The following TAF4 variants were observed in gnomAD, a reference collection of about 807,000 sequenced individuals.
TAF4 encodes transcription initiation factor TFIID subunit 4.
In TAF4, 9 loss-of-function variants were observed where a neutral mutation model predicts 90.3. That is an observed-to-expected ratio of 0.10 (90% confidence interval 0.06 to 0.17). TAF4 has a LOEUF of 0.17. Among genes scored for constraint, TAF4 ranks in the 10% least tolerant of loss-of-function variants. The pLI is 1.00. For synonymous variants in TAF4, 818 were observed against 638.9 expected, an observed-to-expected ratio of 1.28 and a Z score of -4.23; for missense variants, 1,351 against 1,370.7, an observed-to-expected ratio of 0.99 and a Z score of 0.23.
intron 1 of TAF4, among the ~76,000 whole-genome samples, chr20:62,047,006 C>A (rs1337392215): frequency 6.6e-6 from 1 of 152,190 alleles, no homozygotes; most frequent in African/African-American, 2.4e-5. Context: ...CGACGGCTTG[C>A]CTTTTCATTG....
chr20:61,986,155 C>CATCAAAGGAAACACCATCCCCA lies in TAF4; in HGVS notation c.3091-9821_3091-9820insTGGGGATGGTGTTTCCTTTGAT, dbSNP rs2055591158. The stretch of plus-strand genomic sequence containing the variant: ...CCCAATCAAAGGAAACACCATCCCC[C>CATCAAAGGAAACACCATCCCCA]ATCAAAGGAAACACCATCCCCCATC... On this transcript the variant is annotated intron_variant, in intron 14 of 14. Transcript: ENST00000252996. Among the ~76,000 whole-genome samples the CATCAAAGGAAACACCATCCCCA allele has an allele frequency of 1.1e-4, 10 of 95,052 alleles. No homozygotes were observed. In the South Asian group the frequency reaches 1.3e-3, roughly 12 times the overall value. 62.4% of individuals were successfully genotyped at this position (95,052 alleles called of 152,430 possible). A position where few individuals can be genotyped will look rare whatever the true frequency, so the allele number is the denominator to read the frequency against.
intron 4 of TAF4, among the ~76,000 whole-genome samples, 176 bp from the exon 5 acceptor site, chr20:62,009,350 C>G (rs1233095006): frequency 1.3e-5 from 2 of 152,230 alleles, no homozygotes; most frequent in Admixed American, 6.5e-5. Context: ...CCAGCCACAT[C>G]AGTCACATGG....
In TAF4 at chr20:62,064,485, G is replaced by A. The variant is rs750330653; in HGVS notation, c.1326C>T (p.Asn442=). The change falls in exon 1 of 15, where the codon AAC becomes AAT. Residue 442 remains asparagine, a synonymous_variant. Coordinates refer to ENST00000252996, the MANE Select transcript of TAF4 (RefSeq NM_003185.4). ...LAPRLPQPPQ[N]PTNIQNFQLP... Reference sequence around the variant, plus strand: ...GCTGGAAGTTCTGGATGTTGGTCGGGTTCTGAGGCGGCTGCGGCAAGCGGG... The same window carrying A: ...GCTGGAAGTTCTGGATGTTGGTCGGATTCTGAGGCGGCTGCGGCAAGCGGG... The A allele has an allele frequency of 4.3e-5, 65 of 1,513,868 alleles. No individual in the cohort carries two copies. Among genetic ancestry groups the A allele is most frequent in the South Asian group, 5.1e-5 (4 of 78,574 alleles). The allele number at this position is 1,513,868 out of a possible 1,614,324, so 93.8% of individuals were successfully genotyped here.
chr20:62,065,712 C>T lies in TAF4; in HGVS notation c.99G>A (p.Leu33=), dbSNP rs756502866. Residue 33 remains leucine, a synonymous_variant, in exon 1 of 15, where the codon CTG becomes CTA. Transcript: ENST00000252996. ...GGTGGTGGTGGGCCGCGCTGGCCGC[C>T]AGCTGCGACTCCAGCGAGCCCACCA... The part of the protein sequence containing the change: ...SDLVGSLESQ[L]AASAAHHHHL... 1.2e-5 allele frequency: 15 copies of T among 1,297,170 alleles called. No homozygotes were observed. In the African/African-American group the frequency reaches 1.9e-4, roughly 16 times the overall value. The allele number at this position is 1,297,170 out of a possible 1,614,324, so 80.4% of individuals were successfully genotyped here.
rs149320129 is a variant in TAF4 at position 62,025,394 on chromosome 20, G to A, written c.1361-10687C>T. Among the ~76,000 whole-genome samples the A allele has an allele frequency of 1.3e-3, 200 of 152,304 alleles. 4 individuals are homozygous for A. In the East Asian group the frequency reaches 0.03, roughly 23 times the overall value. The stretch of plus-strand genomic sequence containing the variant: ...CAGATGACTCTCAAATAATCACACC[G>A]AGTTGAAGCCAGAAAAGAGAGAGTA... On this transcript the variant is annotated intron_variant, in intron 1 of 14. Transcript: ENST00000252996.
intron 9 of TAF4, among the ~76,000 whole-genome samples, chr20:62,002,879 G>A (rs1290406699): frequency 2.6e-5 from 4 of 152,124 alleles, no homozygotes; most frequent in East Asian, 3.8e-4. Flanking sequence ...CTCAAAATAC[G>A]ATGTTATACT....
chr20:62,002,886 T>C (rs1330110843), intron 9 of TAF4, among the ~76,000 whole-genome samples: 4 of 152,178 alleles, frequency 2.6e-5, no homozygotes, highest in Non-Finnish European at 5.9e-5. Context: ...TACGATGTTA[T>C]ACTAAAAAAT....
intron 9 of TAF4, among the ~76,000 whole-genome samples, chr20:62,002,497 G>A (rs909768229): frequency 3.3e-5 from 5 of 152,152 alleles, no homozygotes; most frequent in African/African-American, 1.2e-4. Context: ...AAGCACAGCA[G>A]TTATTTTTCT....
At chr20:62,003,422 A>G in intron 8 of TAF4, 148 bp from the exon 9 acceptor site, 1 of 700,016 alleles carries the variant, frequency 1.4e-6, no homozygotes, top group South Asian at 1.9e-5. Context: ...ATAACTCTAA[A>G]TTACAGTACA....
intron 1 of TAF4, among the ~76,000 whole-genome samples, chr20:62,015,057 C>T (rs1431605003): frequency 6.6e-6 from 1 of 152,344 alleles, no homozygotes; most frequent in Admixed American, 6.5e-5. Context: ...GTCTCCTTGC[C>T]CCCACCTCCT....
intron 1 of TAF4, chr20:62,037,830 C>G (rs2055941383): frequency 4.4e-6 from 1 of 228,828 alleles, no homozygotes; most frequent in Admixed American, 4.1e-5. Context: ...TTGGTGACTT[C>G]TCACGTATGC....
At chr20:62,060,858 C>T (rs747843819) in intron 1 of TAF4, among the ~76,000 whole-genome samples, 3 of 152,192 alleles carry the variant, frequency 2.0e-5, no homozygotes, top group Admixed American at 2.0e-4. Context: ...CCACACCAAA[C>T]ACCTCAGTCA....
At chr20:62,049,777 G>C (rs1391391794) in intron 1 of TAF4, among the ~76,000 whole-genome samples, 1 of 152,068 alleles carries the variant, frequency 6.6e-6, no homozygotes, top group Non-Finnish European at 1.5e-5. Flanking sequence ...TCTAGCCCCA[G>C]GCCCCACCAG....
In TAF4 at chr20:62,065,107, C is replaced by A; in HGVS notation, c.704G>T (p.Gly235Val). 1 of 1,104,340 alleles carries A rather than the reference C, an allele frequency of 9.1e-7. No individual in the cohort carries two copies. The highest frequency in any genetic ancestry group is 1.1e-6 in the Non-Finnish European group (1 of 893,114). The allele number at this position is 1,104,340 out of a possible 1,614,324, so 68.4% of individuals were successfully genotyped here. A position where few individuals can be genotyped will look rare whatever the true frequency, so the allele number is the denominator to read the frequency against. Residue 235 changes from glycine (G) to valine (V), a missense_variant, in exon 1 of 15, where the codon GGC becomes GTC. Transcript: ENST00000252996. ...LLPLPKPAAP[G>V]TVIQTPPFVG... is the part of the protein sequence containing the mutation. ...GAAGGGGGGCGTCTGGATGACAGTG[C>A]CGGGGGCGGCGGGCTTGGGCAGCGG...
chr20:62,018,521 C>T (rs1479949650), intron 1 of TAF4, among the ~76,000 whole-genome samples: 1 of 152,258 alleles, frequency 6.6e-6, no homozygotes, highest in East Asian at 1.9e-4. Context: ...GCCTCTACTC[C>T]TCTCTCTGCA....
chr20:62,010,888 A>G lies in TAF4; in HGVS notation c.1642-723T>C, dbSNP rs2055774266. On this transcript the variant is annotated intron_variant, in intron 3 of 14. Coordinates refer to ENST00000252996, the MANE Select transcript of TAF4 (RefSeq NM_003185.4). This position sits in a 1 kb window ranked among gnomAD's most constrained non-coding sequence, Gnocchi z 4.5. ...CTAACATTTCCATTCTACATGAATA[A>G]TCAGAATGCAAATGTTTACTGATAT... 6.6e-6 allele frequency among the ~76,000 whole-genome samples: 1 copy of G among 152,264 alleles called. No individual in the cohort carries two copies. Among genetic ancestry groups the G allele is most frequent in the African/African-American group, 2.4e-5 (1 of 41,478 alleles).
chr20:62,021,204 A>G (rs923218398), intron 1 of TAF4, among the ~76,000 whole-genome samples: 1 of 152,238 alleles, frequency 6.6e-6, no homozygotes, highest in African/African-American at 2.4e-5. Context: ...TTTCAGACAC[A>G]CTAGGTCTCA....
At chr20:61,997,425 G>T in intron 14 of TAF4, 125 bp downstream of exon 14, 1 of 1,212,904 alleles carries the variant, frequency 8.2e-7, no homozygotes, top group East Asian at 2.8e-5. Context: ...CTCCAGAAAA[G>T]GTGAGACAAA....
At position 62,056,674 on chromosome 20, in the gene TAF4, A is replaced by G. The variant is rs183732257; in HGVS notation, c.1360+7777T>C. On this transcript the variant is annotated intron_variant, in intron 1 of 14. Coordinates refer to ENST00000252996, the MANE Select transcript of TAF4 (RefSeq NM_003185.4). ...AGGAGAACTGTAATTACAGAAAAAC[A>G]CAGAAGCAGATATGCAGCAGACACA... Among the ~76,000 whole-genome samples the G allele has an allele frequency of 1.8e-4, 27 of 152,344 alleles. No individual in the cohort carries two copies. In the Middle Eastern group the frequency reaches 0.01, roughly 58 times the overall value.
Sources: allele counts gnomAD v4.1 joint callset (sites outside exome capture counted in the v4.1 genomes callset), GRCh38; gene constraint gnomAD v4.1.1; non-coding constraint Gnocchi (gnomAD v3.1); transcripts MANE v1.5; gene names NCBI Gene and HGNC (gene_info 2026-07-23, HGNC 2026-07-21).